ACTN2: variants seen among roughly 807,000 people sequenced by gnomAD.
The protein encoded by ACTN2 is alpha-actinin-2.
In ACTN2, 39 loss-of-function variants were observed where a neutral mutation model predicts 113.8. The ratio of observed to expected loss-of-function variants is 0.34; its 90% CI spans 0.27 to 0.45. The LOEUF is 0.45. ACTN2 is among the 20% of genes least tolerant of loss of function. The probability of loss-of-function intolerance (pLI) is 1.00; values close to 1 mark genes in which losing one functional copy is unlikely to be tolerated. For synonymous variants in ACTN2, 429 were observed against 444.1 expected, an observed-to-expected ratio of 0.97 and a Z score of 0.43; for missense variants, 992 against 1,177.9, an observed-to-expected ratio of 0.84 and a Z score of 2.31.
At chr1:236,706,155 T>A (rs1657818640) in intron 1 of ACTN2, among the ~76,000 whole-genome samples, 1 of 152,124 alleles carries the variant, frequency 6.6e-6, no homozygotes, top group Admixed American at 6.5e-5. Flanking sequence ...TTCTTAACAT[T>A]TAAGGATTCT....
At position 236,762,959 on chromosome 1, in the gene ACTN2, A is replaced by G. The variant is rs967119702; in HGVS notation, c.*340A>G. 2.9e-6 allele frequency: 1 copy of G among 339,242 alleles called. No homozygotes were observed. Among genetic ancestry groups the G allele is most frequent in the Non-Finnish European group, 5.7e-6 (1 of 176,172 alleles). The allele number at this position is 339,242 out of a possible 1,614,324, so 21.0% of individuals were successfully genotyped here. A position where few individuals can be genotyped will look rare whatever the true frequency, so the allele number is the denominator to read the frequency against. On this transcript the variant is annotated 3_prime_UTR_variant, in exon 21 of 21. Coordinates refer to ENST00000366578, the MANE Select transcript of ACTN2 (RefSeq NM_001103.4). ...GAAGGAAAGTGAAAAATGTGAAAAT[A>G]CAAAATACCCAAGATTTAAGACCGG...
At chr1:236,712,386 A>C (rs1658053396) in intron 1 of ACTN2, among the ~76,000 whole-genome samples, 1 of 152,190 alleles carries the variant, frequency 6.6e-6, no homozygotes, top group Admixed American at 6.5e-5. Context: ...TCTGCATTTA[A>C]GTTAGTCACC....
At chr1:236,712,799 T>C (rs12067001) in intron 1 of ACTN2, among the ~76,000 whole-genome samples, 22,142 of 152,138 alleles carry the variant, frequency 0.15, 2,603 homozygotes, top group African/African-American at 0.31. Context: ...TATGAAGAGA[T>C]TTAAATAACA....
chr1:236,710,821 G>A (rs1658002983), intron 1 of ACTN2, among the ~76,000 whole-genome samples: 2 of 152,194 alleles, frequency 1.3e-5, no homozygotes, highest in African/African-American at 4.8e-5. Context: ...TCTACATTGT[G>A]CGCTCTTTAT....
intron 13 of ACTN2, 149 bp downstream of exon 13, chr1:236,747,924 A>G: frequency 1.5e-6 from 1 of 680,690 alleles, no homozygotes; most frequent in South Asian, 1.7e-5. Flanking sequence ...AGTGGAAGAA[A>G]GAGGGAAATG....
intron 6 of ACTN2, among the ~76,000 whole-genome samples, chr1:236,730,271 CTT>C (rs11410238): frequency 8.2e-5 from 12 of 146,838 alleles, no homozygotes; most frequent in Admixed American, 6.7e-5. Context: ...TAGTTAAACA[CTT>C]TTTTTTTTTT....
At chr1:236,724,895 C>T (rs1272040111) in intron 4 of ACTN2, among the ~76,000 whole-genome samples, 2 of 141,756 alleles carry the variant, frequency 1.4e-5, no homozygotes, top group Non-Finnish European at 3.0e-5. Context: ...TGAAATTTAC[C>T]AATAAAACCC....
chr1:236,758,872 C>T (rs1249542833), intron 18 of ACTN2, among the ~76,000 whole-genome samples: 1 of 152,114 alleles, frequency 6.6e-6, no homozygotes, highest in African/African-American at 2.4e-5. Context: ...CCATCTGCCT[C>T]AGCCTCCCAA....
intron 2 of ACTN2, 100 bp downstream of exon 2, chr1:236,718,072 G>T: frequency 1.1e-6 from 1 of 923,224 alleles, no homozygotes; most frequent in Non-Finnish European, 1.7e-6. Flanking sequence ...AACTTGGCTG[G>T]GCAAGAACAT....
At chr1:236,696,751 C>G (rs564607150) in intron 1 of ACTN2, among the ~76,000 whole-genome samples, 4 of 151,304 alleles carry the variant, frequency 2.6e-5, no homozygotes. Context: ...CTGCAACCTC[C>G]GCCTCCCGGG....
intron 14 of ACTN2, 43 bp from the exon 15 acceptor site, chr1:236,751,427 A>C (rs1459267696): frequency 1.2e-6 from 2 of 1,610,194 alleles, no homozygotes; most frequent in Non-Finnish European, 8.5e-7. Flanking sequence ...TGAAATTAAC[A>C]CTCAAGCCAC....
chr1:236,735,778 T>G (rs1197796922), intron 8 of ACTN2, 58 bp downstream of exon 8: 10 of 1,411,904 alleles, frequency 7.1e-6, no homozygotes, highest in African/African-American at 1.4e-5. Context: ...TTTAGTTGTG[T>G]GTGCATACTT....
intron 2 of ACTN2, among the ~76,000 whole-genome samples, chr1:236,718,506 C>T (rs370545738): frequency 3.9e-4 from 60 of 152,302 alleles, no homozygotes; most frequent in African/African-American, 1.3e-3. Flanking sequence ...AGGTGTCGAA[C>T]GAGCCCTGGC....
intron 12 of ACTN2, among the ~76,000 whole-genome samples, chr1:236,746,123 G>A (rs1056214316): frequency 1.4e-5 from 2 of 141,816 alleles, no homozygotes; most frequent in Non-Finnish European, 3.0e-5. Flanking sequence ...CCGAGATCAG[G>A]CCACTGCACT....
intron 1 of ACTN2, among the ~76,000 whole-genome samples, chr1:236,713,101 G>T (rs766338556): frequency 6.6e-6 from 1 of 151,580 alleles, no homozygotes; most frequent in African/African-American, 2.4e-5. Flanking sequence ...CCAAATATTC[G>T]TTCATAGGGA....
chr1:236,754,893 A>G lies in ACTN2; in HGVS notation c.1975-126A>G. On this transcript the variant is annotated intron_variant, in intron 16 of 20. Transcript: ENST00000366578. This position sits in a 1 kb window ranked among gnomAD's most constrained non-coding sequence, Gnocchi z 4.9. Reference sequence around the variant, plus strand: ...TCCTCTGAGAAAAGTGAACCGAGTGACACTGGCCGCTGCCTGACGCTGGCC... The same window carrying G: ...TCCTCTGAGAAAAGTGAACCGAGTGGCACTGGCCGCTGCCTGACGCTGGCC... The G allele has an allele frequency of 1.8e-6, 2 of 1,087,638 alleles. No individual in the cohort carries two copies. Among genetic ancestry groups the G allele is most frequent in the Non-Finnish European group, 2.8e-6 (2 of 704,972 alleles). The allele number at this position is 1,087,638 out of a possible 1,614,324, so 67.4% of individuals were successfully genotyped here. A position where few individuals can be genotyped will look rare whatever the true frequency, so the allele number is the denominator to read the frequency against.
intron 3 of ACTN2, among the ~76,000 whole-genome samples, chr1:236,719,842 A>G (rs557016374): frequency 6.6e-6 from 1 of 152,172 alleles, no homozygotes; most frequent in Admixed American, 6.5e-5. Context: ...AAAACTTTGG[A>G]AACTCCCGGG....
At chr1:236,697,854 C>T (rs1657561010) in intron 1 of ACTN2, among the ~76,000 whole-genome samples, 1 of 150,820 alleles carries the variant, frequency 6.6e-6, no homozygotes, top group Non-Finnish European at 1.5e-5. Flanking sequence ...ACTTTCGCCT[C>T]CCAGGTTCAA....
At chr1:236,709,368 G>A (rs819646) in intron 1 of ACTN2, among the ~76,000 whole-genome samples, 88,122 of 137,032 alleles carry the variant, frequency 0.64, 29,369 homozygotes, top group Non-Finnish European at 0.72. Context: ...ACGTGTGTGT[G>A]TATATATATA....
Sources: allele counts gnomAD v4.1 joint callset (sites outside exome capture counted in the v4.1 genomes callset), GRCh38; gene constraint gnomAD v4.1.1; non-coding constraint Gnocchi (gnomAD v3.1); transcripts MANE v1.5; gene names NCBI Gene and HGNC (gene_info 2026-07-23, HGNC 2026-07-21).